GLP1R: variants seen among roughly 807,000 people sequenced by gnomAD.
GLP1R encodes the protein glucagon like peptide 1 receptor.
GLP1R carries 32 observed loss-of-function variants against 68.4 expected under a neutral mutation model. The ratio of observed to expected loss-of-function variants is 0.47; its 90% CI spans 0.35 to 0.63. The LOEUF (loss-of-function observed/expected upper bound fraction) is 0.63, where lower values mean the gene tolerates loss of function less well. GLP1R is among the 20% of genes least tolerant of loss of function. GLP1R has a pLI of 0.00. For missense variants in GLP1R, 502 were observed against 594.9 expected (o/e 0.84, Z 1.62); for synonymous variants, 263 against 244.4 (o/e 1.08, Z -0.71).
rs1012254428 is a variant in GLP1R, at chr6:39,089,839, A to G, written c.*3766A>G. On this transcript the variant is annotated 3_prime_UTR_variant, in exon 13 of 13. Coordinates refer to ENST00000373256, the MANE Select transcript of GLP1R (RefSeq NM_002062.5). This position sits in a 1 kb window ranked among gnomAD's most constrained non-coding sequence, Gnocchi z 4.1. ...GACGTGCTCAGGGAAGGCAAAATCT[A>G]TTCCAAAGGTTTATTTTCCCTCTGT... Among the ~76,000 whole-genome samples the G allele has an allele frequency of 6.6e-6, 1 of 152,210 alleles. No individual in the cohort carries two copies. Among genetic ancestry groups the G allele is most frequent in the African/African-American group, 2.4e-5 (1 of 41,454 alleles).
intron 3 of GLP1R, 134 bp from the exon 4 acceptor site, chr6:39,065,577 A>T (rs891187507): frequency 1.8e-5 from 11 of 602,576 alleles, no homozygotes; most frequent in African/African-American, 1.5e-4. Context: ...AGGGAAAAGG[A>T]TGTCACTAAC....
intron 3 of GLP1R, among the ~76,000 whole-genome samples, chr6:39,057,903 C>T (rs940003635): frequency 1.3e-5 from 2 of 152,166 alleles, no homozygotes; most frequent in African/African-American, 4.8e-5. Context: ...CTCCCTCCCC[C>T]ACCGTCCCCT....
chr6:39,078,484 G>T, intron 8 of GLP1R, 102 bp downstream of exon 8: 1 of 836,266 alleles, frequency 1.2e-6, no homozygotes, highest in Non-Finnish European at 2.1e-6. Flanking sequence ...AGAGGATAAA[G>T]GGGGGTACCA....
rs904225679 is a variant in GLP1R at position 39,049,740 on chromosome 6, C to T, written c.78+822C>T. On this transcript the variant is annotated intron_variant, in intron 1 of 12. Transcript: ENST00000373256. The surrounding 1 kb of genome is among the most constrained non-coding windows in gnomAD (Gnocchi z 4.5). ...AGAGCAGGCCACAGGTGGACCACCG[C>T]AGCCCCTCTCTCTTGCCCTTGTTGC... Among the ~76,000 whole-genome samples, 7 of 152,192 alleles carry T rather than the reference C, an allele frequency of 4.6e-5. No homozygotes were observed. The highest frequency in any genetic ancestry group is 2.6e-4 in the Admixed American group (4 of 15,290).
rs546069552 is a variant in GLP1R, at chr6:39,060,532, A to G, written c.283+2953A>G. ...GGGTCCCCATGACAGCTGGGCTACA[A>G]TGGAGAAGCCACCCAGCAGGGCTGT... On this transcript the variant is annotated intron_variant, in intron 3 of 12. Transcript: ENST00000373256. 5.9e-5 allele frequency among the ~76,000 whole-genome samples: 9 copies of G among 152,280 alleles called. No homozygotes were observed. The South Asian group carries it at 1.7e-3, about 28-fold the overall frequency.
At chr6:39,077,623 A>G (rs148840188) in intron 7 of GLP1R, among the ~76,000 whole-genome samples, 108 of 152,394 alleles carry the variant, frequency 7.1e-4, no homozygotes, top group African/African-American at 2.0e-3. Flanking sequence ...CAATGCTGAT[A>G]CAACGTGGAC....
intron 1 of GLP1R, among the ~76,000 whole-genome samples, chr6:39,054,303 C>G (rs929114669): frequency 1.3e-5 from 2 of 151,954 alleles, no homozygotes; most frequent in Non-Finnish European, 2.9e-5. Flanking sequence ...AAATACGAGG[C>G]GTGGGAGAGG....
rs531075778 is a variant in GLP1R at position 39,090,856 on chromosome 6, G to A, written c.*4783G>A. The stretch of plus-strand genomic sequence containing the variant: ...GAGTTCTTTGCAGGGGAGCCAACGG[G>A]GGCATTGAGGGAAGGGCAAAATTCA... On this transcript the variant is annotated 3_prime_UTR_variant, in exon 13 of 13. Coordinates refer to ENST00000373256, the MANE Select transcript of GLP1R (RefSeq NM_002062.5). Among the ~76,000 whole-genome samples, 15 of 152,136 alleles carry A rather than the reference G, an allele frequency of 9.9e-5. No homozygotes were observed. Among genetic ancestry groups the A allele is most frequent in the Non-Finnish European group, 1.8e-4 (12 of 68,012 alleles).
chr6:39,055,727 T>TGG (rs371584809), intron 1 of GLP1R, among the ~76,000 whole-genome samples: 1 of 113,230 alleles, frequency 8.8e-6, no homozygotes, highest in African/African-American at 3.3e-5. Context: ...GGGGAGGGGG[T>TGG]GGGGGGTGCT....
intron 1 of GLP1R, among the ~76,000 whole-genome samples, chr6:39,056,046 T>C (rs1481985549): frequency 6.6e-6 from 1 of 152,134 alleles, no homozygotes; most frequent in African/African-American, 2.4e-5. Flanking sequence ...TCCTGGGCCC[T>C]CAGAAAGTCT....
chr6:39,059,542 C>T (rs1358332851), intron 3 of GLP1R, among the ~76,000 whole-genome samples: 4 of 152,244 alleles, frequency 2.6e-5, no homozygotes, highest in Middle Eastern at 3.4e-3. Flanking sequence ...GCTGACTAGC[C>T]GTGTAAGCAG....
chr6:39,050,113 C>T (rs1407837664), intron 1 of GLP1R, among the ~76,000 whole-genome samples: 1 of 152,142 alleles, frequency 6.6e-6, no homozygotes, highest in African/African-American at 2.4e-5. Context: ...CCAGACGCAT[C>T]CTCTCCCTGC....
intron 4 of GLP1R, 100 bp downstream of exon 4, chr6:39,065,929 C>T: frequency 1.4e-6 from 1 of 718,930 alleles, no homozygotes; most frequent in Middle Eastern, 2.4e-4. Context: ...CATCTGTGGT[C>T]ATTTCATCCA....
At position 39,090,794 on chromosome 6, in the gene GLP1R, A is replaced by G. The variant is rs2150843205; in HGVS notation, c.*4721A>G. 6.6e-6 allele frequency among the ~76,000 whole-genome samples: 1 copy of G among 152,172 alleles called. No individual in the cohort carries two copies. The highest frequency in any genetic ancestry group is 1.9e-4 in the East Asian group (1 of 5,196). ...TGAGAATGTTTAGATGTGGTGAGAA[A>G]AGAGCTCTCACCACAATTTGAAACA... On this transcript the variant is annotated 3_prime_UTR_variant, in exon 13 of 13. Transcript: ENST00000373256.
intron 1 of GLP1R, among the ~76,000 whole-genome samples, chr6:39,054,053 C>T (rs1562002371): frequency 1.3e-5 from 2 of 152,134 alleles, no homozygotes; most frequent in Admixed American, 6.5e-5. Context: ...CCCTTCACCC[C>T]AGCCCCACCT....
intron 3 of GLP1R, 113 bp from the exon 4 acceptor site, chr6:39,065,598 C>A: frequency 1.6e-6 from 1 of 640,614 alleles, no homozygotes; most frequent in East Asian, 2.8e-5. Flanking sequence ...TCAGAGTAGT[C>A]CATTCTGGGG....
At chr6:39,085,488 G>A (rs141613256) in intron 12 of GLP1R, among the ~76,000 whole-genome samples, 1 of 152,324 alleles carries the variant, frequency 6.6e-6, no homozygotes, top group Non-Finnish European at 1.5e-5. Flanking sequence ...GAAGGCTGGG[G>A]GTTGCCGTCC....
At chr6:39,078,129 G>A (rs1768881817) in intron 7 of GLP1R, among the ~76,000 whole-genome samples, 193 bp from the exon 8 acceptor site, 1 of 152,190 alleles carries the variant, frequency 6.6e-6, no homozygotes, top group Admixed American at 6.5e-5. Flanking sequence ...GGAAGAGTCT[G>A]GGGGTCCGCA....
intron 1 of GLP1R, among the ~76,000 whole-genome samples, chr6:39,054,885 T>C (rs76219105): frequency 6.6e-6 from 1 of 152,256 alleles, no homozygotes; most frequent in Non-Finnish European, 1.5e-5. Context: ...GGACTTGCTC[T>C]GATGAAAACT....
Sources: gnomAD v4.1 joint callset for allele counts (sites outside exome capture counted in the v4.1 genomes callset) on GRCh38, gnomAD v4.1.1 for gene constraint, Gnocchi (gnomAD v3.1) non-coding constraint, MANE v1.5 for transcripts, NCBI Gene and HGNC (gene_info 2026-07-23, HGNC 2026-07-21) for gene names.